Variants in FBXL7 observed in about 807,000 individuals in gnomAD.
FBXL7 encodes the protein F-box and leucine rich repeat protein 7.
In FBXL7, 12 loss-of-function variants were observed where a neutral mutation model predicts 38.3. The observed-to-expected ratio is 0.31, with a 90% CI of 0.20 to 0.51. The LOEUF is 0.51. FBXL7 is among the 20% of genes least tolerant of loss of function. FBXL7 has a pLI of 0.98. For synonymous variants in FBXL7, 297 were observed against 300.9 expected (o/e 0.99, Z 0.13); for missense variants, 567 against 676.4 (o/e 0.84, Z 1.79).
intron 2 of FBXL7, among the ~76,000 whole-genome samples, chr5:15,795,353 G>T (rs1737388632): frequency 6.6e-6 from 1 of 152,166 alleles, no homozygotes; most frequent in South Asian, 2.1e-4. Context: ...ATGTATGATT[G>T]TTTGCAGTTC....
chr5:15,808,485 G>A (rs984093023), intron 2 of FBXL7, among the ~76,000 whole-genome samples: 5 of 151,996 alleles, frequency 3.3e-5, no homozygotes, highest in East Asian at 1.9e-4. Context: ...ATCTTCAGGC[G>A]ACACCATGGG....
intron 1 of FBXL7, among the ~76,000 whole-genome samples, chr5:15,504,005 C>T (rs1159908640): frequency 1.3e-5 from 2 of 152,216 alleles, no homozygotes; most frequent in African/African-American, 4.8e-5. Context: ...GGGCAGAGGC[C>T]TCCAACTCAG....
chr5:15,734,806 A>C lies in FBXL7; in HGVS notation c.127+118734A>C, dbSNP rs369655165. On this transcript the variant is annotated intron_variant, in intron 2 of 3. Transcript: ENST00000504595. ...GAGCACTCATGTAGGTCTTGAAGTG[A>C]AAGTAGACCTTACATATATAGAAAA... is the stretch of plus-strand genomic sequence containing the variant. Among the ~76,000 whole-genome samples, 8 of 152,376 alleles carry C rather than the reference A, an allele frequency of 5.3e-5. No individual in the cohort carries two copies. In the South Asian group the frequency reaches 1.4e-3, roughly 28 times the overall value.
At chr5:15,779,522 GACTT>G (rs1184798983) in intron 2 of FBXL7, among the ~76,000 whole-genome samples, 1 of 152,016 alleles carries the variant, frequency 6.6e-6, no homozygotes, top group Non-Finnish European at 1.5e-5. Flanking sequence ...GGAAAAGAGT[GACTT>G]AGCAGCAGTT....
chr5:15,911,604 C>A (rs1403513302), intron 2 of FBXL7, among the ~76,000 whole-genome samples: 1 of 80,386 alleles, frequency 1.2e-5, no homozygotes, highest in South Asian at 5.6e-4. Context: ...AGGCGCTCTG[C>A]GTTTTAGAGT....
At chr5:15,571,913 C>T (rs1166164073) in intron 1 of FBXL7, among the ~76,000 whole-genome samples, 3 of 152,124 alleles carry the variant, frequency 2.0e-5, no homozygotes, top group Non-Finnish European at 4.4e-5. Context: ...AACTAGCCCA[C>T]ACATGCCCCA....
At chr5:15,577,625 TG>T (rs1167243112) in intron 1 of FBXL7, among the ~76,000 whole-genome samples, 1 of 118,468 alleles carries the variant, frequency 8.4e-6, no homozygotes, top group Non-Finnish European at 1.9e-5. Flanking sequence ...TGTGTGTGTG[TG>T]TGTGTGTGTG....
intron 1 of FBXL7, among the ~76,000 whole-genome samples, chr5:15,568,706 G>A (rs537308331): frequency 6.6e-6 from 1 of 152,084 alleles, no homozygotes; most frequent in African/African-American, 2.4e-5. Context: ...TTTCTTCTAG[G>A]GTTTTTATGG....
intron 2 of FBXL7, among the ~76,000 whole-genome samples, chr5:15,644,834 C>T (rs1379141610): frequency 6.6e-6 from 1 of 152,142 alleles, no homozygotes; most frequent in Non-Finnish European, 1.5e-5. Context: ...GCAGTTGCCA[C>T]CCACCAGTGC....
Position 15,936,628 on chromosome 5 carries a change from C to T in FBXL7, c.918C>T (p.Arg306=). ...HCTQLTHLYL[R]RCVRLTDEGL... Reference sequence around the variant, plus strand: ...CGCAGCTCACCCACCTCTACCTGCGCCGCTGCGTCCGCCTGACCGACGAAG... The same window carrying T: ...CGCAGCTCACCCACCTCTACCTGCGTCGCTGCGTCCGCCTGACCGACGAAG... Residue 306 remains arginine, a synonymous_variant, in exon 4 of 4, where the codon CGC becomes CGT. Coordinates refer to ENST00000504595, the MANE Select transcript of FBXL7 (RefSeq NM_012304.5). The surrounding 1 kb of genome is among the most constrained non-coding windows in gnomAD (Gnocchi z 6.0). The T allele has an allele frequency of 1.2e-6, 2 of 1,609,264 alleles. No homozygotes were observed. Among genetic ancestry groups the T allele is most frequent in the South Asian group, 1.1e-5 (1 of 91,056 alleles).
chr5:15,605,005 T>A (rs532944606), intron 1 of FBXL7, among the ~76,000 whole-genome samples: 3 of 152,200 alleles, frequency 2.0e-5, no homozygotes, highest in African/African-American at 7.2e-5. Context: ...TTTGCTGTTC[T>A]GAATTCACTG....
intron 2 of FBXL7, among the ~76,000 whole-genome samples, chr5:15,889,099 G>A (rs185288741): frequency 2.8e-4 from 42 of 152,164 alleles, no homozygotes; most frequent in Non-Finnish European, 5.1e-4. Context: ...TGGGGCGGGG[G>A]GAAAGAAGGA....
chr5:15,531,734 A>C (rs2126392333), intron 1 of FBXL7, among the ~76,000 whole-genome samples: 1 of 152,294 alleles, frequency 6.6e-6, no homozygotes, highest in Middle Eastern at 3.4e-3. Context: ...TTACACATTC[A>C]GCTTAGTCAT....
intron 2 of FBXL7, among the ~76,000 whole-genome samples, chr5:15,742,888 A>G (rs1327629297): frequency 2.6e-5 from 4 of 152,172 alleles, no homozygotes; most frequent in Non-Finnish European, 4.4e-5. Flanking sequence ...CCTTCTTCAC[A>G]TGGCGGCAGC....
At chr5:15,735,801 C>A (rs1015988538) in intron 2 of FBXL7, among the ~76,000 whole-genome samples, 1 of 152,188 alleles carries the variant, frequency 6.6e-6, no homozygotes, top group East Asian at 1.9e-4. Flanking sequence ...GGAAGCTGAA[C>A]TGCTTACAAG....
At chr5:15,561,373 C>G (rs1301491280) in intron 1 of FBXL7, among the ~76,000 whole-genome samples, 1 of 152,126 alleles carries the variant, frequency 6.6e-6, no homozygotes, top group African/African-American at 2.4e-5. Context: ...TGGATTCATA[C>G]ATGTTGTTGC....
At position 15,917,716 on chromosome 5, in the gene FBXL7, A is replaced by C. The variant is rs184064630; in HGVS notation, c.128-10174A>C. On this transcript the variant is annotated intron_variant, in intron 2 of 3. Coordinates refer to ENST00000504595, the MANE Select transcript of FBXL7 (RefSeq NM_012304.5). ...AAGGAAGAAAGAAAGGAAGGAAGGA[A>C]GGACGATGCTAGCGAAATACTACTG... 1.8e-3 allele frequency among the ~76,000 whole-genome samples: 268 copies of C among 151,542 alleles called. 2 individuals are homozygous for C. The highest frequency in any genetic ancestry group is 5.7e-3 in the African/African-American group (235 of 41,236).
intron 2 of FBXL7, among the ~76,000 whole-genome samples, chr5:15,874,368 G>A (rs1031351122): frequency 1.3e-5 from 2 of 152,168 alleles, no homozygotes; most frequent in Admixed American, 1.3e-4. Context: ...GGACAAGGAT[G>A]CCCTCTCTCA....
At chr5:15,511,830 A>C (rs1736805358) in intron 1 of FBXL7, among the ~76,000 whole-genome samples, 1 of 152,220 alleles carries the variant, frequency 6.6e-6, no homozygotes, top group African/African-American at 2.4e-5. Context: ...GGAATAGAGA[A>C]GTCTGGGTCC....
Sources: gnomAD v4.1 joint callset for allele counts (sites outside exome capture counted in the v4.1 genomes callset) on GRCh38, gnomAD v4.1.1 for gene constraint, Gnocchi (gnomAD v3.1) non-coding constraint, MANE v1.5 for transcripts, NCBI Gene and HGNC (gene_info 2026-07-23, HGNC 2026-07-21) for gene names.